Variants in GRIN3B observed in about 807,000 individuals in gnomAD.
GRIN3B encodes the protein glutamate ionotropic receptor NMDA type subunit 3B.
In GRIN3B, 77 loss-of-function variants were observed where a neutral mutation model predicts 66.0. The ratio of observed to expected loss-of-function variants is 1.17; its 90% CI spans 0.97 to 1.41. The LOEUF is 1.41. Among genes scored for constraint, GRIN3B ranks in the 40% most tolerant of loss-of-function variants. The pLI is 0.00. For synonymous variants in GRIN3B, 823 were observed against 749.7 expected, an observed-to-expected ratio of 1.10 and a Z score of -1.60; for missense variants, 1,787 against 1,564.5, an observed-to-expected ratio of 1.14 and a Z score of -2.40.
At position 1,009,192 on chromosome 19, in the gene GRIN3B, C is replaced by T. The variant is rs1385245834; in HGVS notation, c.2722C>T (p.Gln908Ter). The change falls in exon 9 of 9, where the codon CAG becomes TAG. Residue 908 changes from glutamine to a stop codon, truncating the protein, a stop_gained. Transcript: ENST00000234389. LOFTEE classifies it low-confidence loss of function (END_TRUNC). Reference sequence around the variant, plus strand: ...CCCCAGCGGCCCCGAGGTGGAGCAGCAGCAGCAGCAGCAGGACCAGCCAAC... The same window carrying T: ...CCCCAGCGGCCCCGAGGTGGAGCAGTAGCAGCAGCAGCAGGACCAGCCAAC... The part of the protein sequence containing the change: ...AEPSGPEVEQ[Q>*]QQQQDQPTAP... 7.0e-7 allele frequency: 1 copy of T among 1,430,056 alleles called. No individual in the cohort carries two copies. The allele number at this position is 1,430,056 out of a possible 1,614,324, so 88.6% of individuals were successfully genotyped here. A position where few individuals can be genotyped will look rare whatever the true frequency, so the allele number is the denominator to read the frequency against.
chr19:1,009,247 G>T lies in GRIN3B; in HGVS notation c.2777G>T (p.Arg926Leu). Residue 926 changes from arginine (R) to leucine (L), a missense_variant, in exon 9 of 9, where the codon CGG becomes CTG. By Grantham distance (102) the Arg-to-Leu change is moderately radical. Coordinates refer to ENST00000234389, the MANE Select transcript of GRIN3B (RefSeq NM_138690.3). ...CCGGAGGGCTGGAAACGGGCGCGCC[G>T]GGCCGTGGACAAGGAGCGCCGCGTG... The part of the protein sequence containing the change: ...TAPEGWKRAR[R>L]AVDKERRVRF... 1 of 1,439,790 alleles carries T rather than the reference G, an allele frequency of 6.9e-7. No individual in the cohort carries two copies. 89.2% of individuals were successfully genotyped at this position (1,439,790 alleles called of 1,614,324 possible).
In GRIN3B at chr19:1,005,637, C is replaced by A. The variant is rs1219966376; in HGVS notation, c.2052+84C>A. 2 of 1,114,708 alleles carry A rather than the reference C, an allele frequency of 1.8e-6. No individual in the cohort carries two copies. Among genetic ancestry groups the A allele is most frequent in the East Asian group, 5.2e-5 (2 of 38,486 alleles). The allele number at this position is 1,114,708 out of a possible 1,614,324, so 69.1% of individuals were successfully genotyped here. ...GGCTGTGTGGGGCAGGGGTGGTCAGCTGGACGTGGAGGACGTCCACTAGGC... is the reference window on the plus strand; with the variant it reads ...GGCTGTGTGGGGCAGGGGTGGTCAGATGGACGTGGAGGACGTCCACTAGGC... On this transcript the variant is annotated intron_variant, in intron 3 of 8. Transcript: ENST00000234389. The surrounding 1 kb of genome is among the most constrained non-coding windows in gnomAD (Gnocchi z 5.2).
chr19:1,006,529 C>T (rs941440383), intron 3 of GRIN3B, among the ~76,000 whole-genome samples: 3 of 152,088 alleles, frequency 2.0e-5, no homozygotes, highest in African/African-American at 7.2e-5. Context: ...GCAACCTCCA[C>T]CTCCCAGGTT....
intron 1 of GRIN3B, among the ~76,000 whole-genome samples, chr19:1,001,167 C>A (rs943641229): frequency 1.3e-5 from 2 of 152,082 alleles, no homozygotes; most frequent in Non-Finnish European, 2.9e-5. Flanking sequence ...GGGGACCCCG[C>A]CACTGTGGCC....
chr19:1,004,197 G>A (rs989061881), intron 2 of GRIN3B, among the ~76,000 whole-genome samples: 1 of 152,180 alleles, frequency 6.6e-6, no homozygotes, highest in Non-Finnish European at 1.5e-5. Flanking sequence ...TAGGAGGGAG[G>A]GAACGGGTCT....
In GRIN3B at chr19:1,003,582, C is replaced by T. The variant is rs1490918721; in HGVS notation, c.879C>T (p.Ile293=). 4.0e-6 allele frequency: 6 copies of T among 1,486,318 alleles called. No individual in the cohort carries two copies. The highest frequency in any genetic ancestry group is 5.3e-6 in the Non-Finnish European group (6 of 1,123,874). 92.1% of individuals were successfully genotyped at this position (1,486,318 alleles called of 1,614,324 possible). A position where few individuals can be genotyped will look rare whatever the true frequency, so the allele number is the denominator to read the frequency against. The change falls in exon 2 of 9, where the codon ATC becomes ATT. Residue 293 remains isoleucine (I), a synonymous_variant. Coordinates refer to ENST00000234389, the MANE Select transcript of GRIN3B (RefSeq NM_138690.3). ...EVARPPLEAA[I]HDIVQLVARA... ...CACGACCCCCGCTGGAGGCCGCCAT[C>T]CATGACATTGTGCAACTGGTGGCCC...
chr19:1,008,867 G>T lies in GRIN3B; in HGVS notation c.2642G>T (p.Arg881Leu), dbSNP rs774869873. The T allele has an allele frequency of 6.3e-7, 1 of 1,597,446 alleles. No individual in the cohort carries two copies. Among genetic ancestry groups the T allele is most frequent in the Non-Finnish European group, 8.5e-7 (1 of 1,171,780 alleles). ...TGTCTGGGGTCTTAGAAAATCCACC[G>T]CGCCCTCAACACGGAGCCACCAGAG... ...YWLHTSQKIHRALNTEPPEGS... is the reference protein window; with the variant it reads ...YWLHTSQKIHLALNTEPPEGS... Residue 881 changes from arginine (R) to leucine (L), a missense_variant, in exon 8 of 9, where the codon CGC becomes CTC. Transcript: ENST00000234389.
chr19:1,004,920 C>A lies in GRIN3B; in HGVS notation c.1419C>A (p.Arg473=), dbSNP rs1395436782. 2 of 1,611,982 alleles carry A rather than the reference C, an allele frequency of 1.2e-6. No homozygotes were observed. Among genetic ancestry groups the A allele is most frequent in the Admixed American group, 3.3e-5 (2 of 59,974 alleles). Reference sequence around the variant, plus strand: ...ACGGCTCAGCGCCCCGTGCCCTGCGCAAGTGCTGCTACGGCTACTGCATTG... The same window carrying A: ...ACGGCTCAGCGCCCCGTGCCCTGCGAAAGTGCTGCTACGGCTACTGCATTG... ...LANGSAPRAL[R]KCCYGYCIDL... The change falls in exon 3 of 9, where the codon CGC becomes CGA. Residue 473 remains arginine, a synonymous_variant. Coordinates refer to ENST00000234389, the MANE Select transcript of GRIN3B (RefSeq NM_138690.3).
In GRIN3B at chr19:1,008,702, G is replaced by A; in HGVS notation, c.2551G>A (p.Gly851Ser). The change falls in exon 7 of 9, where the codon GGC becomes AGC. Residue 851 changes from glycine (G) to serine (S), a missense_variant. Physicochemically the swap from Gly to Ser is moderately conservative, Grantham distance 56. Coordinates refer to ENST00000234389, the MANE Select transcript of GRIN3B (RefSeq NM_138690.3). Reference protein sequence around the residue: ...GLGSALLSSLGEHAFFRLALP... With the variant: ...GLGSALLSSLSEHAFFRLALP... ...GGGCAGCGCTCTGCTCAGCTCGCTGGGCGAGCACGCCTTCTTCCGCCTGGC... is the reference window on the plus strand; with the variant it reads ...GGGCAGCGCTCTGCTCAGCTCGCTGAGCGAGCACGCCTTCTTCCGCCTGGC... 1 of 1,607,858 alleles carries A rather than the reference G, an allele frequency of 6.2e-7. No homozygotes were observed. The highest frequency in any genetic ancestry group is 8.5e-7 in the Non-Finnish European group (1 of 1,179,592).
rs1329204211 is a variant in GRIN3B, at chr19:1,003,484, G to C, written c.781G>C (p.Gly261Arg). ...ACCTCCCGGCCCCCACTGGCTGTTG[G>C]GGACACCACTGCCGCCCAAGGCCCT... is the stretch of plus-strand genomic sequence containing the variant. ...AVPPGPHWLLGTPLPPKALPT... is the reference protein window; with the variant it reads ...AVPPGPHWLLRTPLPPKALPT... The change falls in exon 2 of 9, where the codon GGG becomes CGG. Residue 261 changes from glycine (G) to arginine (R), a missense_variant. By Grantham distance (125) the Gly-to-Arg change is moderately radical. Transcript: ENST00000234389. The C allele has an allele frequency of 3.9e-6, 6 of 1,537,578 alleles. No homozygotes were observed. The Admixed American group carries it at 1.2e-4, about 30-fold the overall frequency.
intron 1 of GRIN3B, among the ~76,000 whole-genome samples, chr19:1,001,862 C>T (rs1003671293): frequency 6.6e-6 from 1 of 152,168 alleles, no homozygotes; most frequent in East Asian, 1.9e-4. Flanking sequence ...GGAGCTGCAC[C>T]GCCGCAAGCC....
chr19:1,009,210 C>G lies in GRIN3B; in HGVS notation c.2740C>G (p.Gln914Glu). ...EVEQQQQQQD[Q>E]PTAPEGWKRA... ...GGAGCAGCAGCAGCAGCAGCAGGACCAGCCAACGGCTCCGGAGGGCTGGAA... is the reference window on the plus strand; with the variant it reads ...GGAGCAGCAGCAGCAGCAGCAGGACGAGCCAACGGCTCCGGAGGGCTGGAA... Residue 914 changes from glutamine (Q) to glutamate (E), a missense_variant, in exon 9 of 9, where the codon CAG becomes GAG. Transcript: ENST00000234389. The G allele has an allele frequency of 1.4e-6, 2 of 1,474,758 alleles. No homozygotes were observed. Among genetic ancestry groups the G allele is most frequent in the African/African-American group, 1.5e-5 (1 of 68,224 alleles). 91.4% of individuals were successfully genotyped at this position (1,474,758 alleles called of 1,614,324 possible).
chr19:1,007,029 G>A lies in GRIN3B; in HGVS notation c.2053-599G>A, dbSNP rs2038756590. On this transcript the variant is annotated intron_variant, in intron 3 of 8. Coordinates refer to ENST00000234389, the MANE Select transcript of GRIN3B (RefSeq NM_138690.3). The surrounding 1 kb of genome is among the most constrained non-coding windows in gnomAD (Gnocchi z 4.4). Reference sequence around the variant, plus strand: ...GAACAGACCACGGGTGGTGCAGGGAGGACCCCGCAGAGGGGCCTGGGCTGG... The same window carrying A: ...GAACAGACCACGGGTGGTGCAGGGAAGACCCCGCAGAGGGGCCTGGGCTGG... 6.6e-6 allele frequency among the ~76,000 whole-genome samples: 1 copy of A among 152,180 alleles called. No individual in the cohort carries two copies.
rs1169949575 is a variant in GRIN3B at position 1,004,580 on chromosome 19, C to T, written c.1079C>T (p.Ser360Phe). The T allele has an allele frequency of 6.2e-7, 1 of 1,608,648 alleles. No individual in the cohort carries two copies. Residue 360 changes from serine to phenylalanine, a missense_variant, in exon 3 of 9, where the codon TCC (serine) becomes TTC (phenylalanine). Transcript: ENST00000234389. Reference sequence around the variant, plus strand: ...GGCCCCGTGTGGGTGACAGGCAGCTCCCAGGTACACATGTCTCGGCACTTT... The same window carrying T: ...GGCCCCGTGTGGGTGACAGGCAGCTTCCAGGTACACATGTCTCGGCACTTT... ...RTGPVWVTGSSQVHMSRHFKV... is the reference protein window; with the variant it reads ...RTGPVWVTGSFQVHMSRHFKV...
rs781049732 is a variant in GRIN3B at position 1,004,503 on chromosome 19, C to G, written c.1020-18C>G. On this transcript the variant is annotated intron_variant, in intron 2 of 8. Coordinates refer to ENST00000234389, the MANE Select transcript of GRIN3B (RefSeq NM_138690.3). ...GTGTGAACTTCGACACCTGACACCC[C>G]CCCCGCCCTGCCCCTAGGTTCCTGG... 14 of 1,551,862 alleles carry G rather than the reference C, an allele frequency of 9.0e-6. No homozygotes were observed. Among genetic ancestry groups the G allele is most frequent in the African/African-American group, 2.7e-5 (2 of 73,338 alleles).
Position 1,009,217 on chromosome 19 carries a change from C to T in GRIN3B, c.2747C>T (p.Thr916Met). Residue 916 changes from threonine to methionine, a missense_variant, in exon 9 of 9, where the codon ACG becomes ATG. Coordinates refer to ENST00000234389, the MANE Select transcript of GRIN3B (RefSeq NM_138690.3). ...EQQQQQQDQPTAPEGWKRARR... is the reference protein window; with the variant it reads ...EQQQQQQDQPMAPEGWKRARR... Reference sequence around the variant, plus strand: ...CAGCAGCAGCAGCAGGACCAGCCAACGGCTCCGGAGGGCTGGAAACGGGCG... The same window carrying T: ...CAGCAGCAGCAGCAGGACCAGCCAATGGCTCCGGAGGGCTGGAAACGGGCG... The T allele has an allele frequency of 6.8e-7, 1 of 1,472,146 alleles. No homozygotes were observed. Among genetic ancestry groups the T allele is most frequent in the Non-Finnish European group, 8.9e-7 (1 of 1,122,580 alleles). The allele number at this position is 1,472,146 out of a possible 1,614,324, so 91.2% of individuals were successfully genotyped here.
Position 1,008,618 on chromosome 19 carries a change from A to G in GRIN3B, c.2467A>G (p.Thr823Ala). 1 of 1,596,596 alleles carries G rather than the reference A, an allele frequency of 6.3e-7. No homozygotes were observed. The highest frequency in any genetic ancestry group is 8.5e-7 in the Non-Finnish European group (1 of 1,177,442). Residue 823 changes from threonine (T) to alanine (A), a missense_variant and splice_region_variant, in exon 7 of 9, where the codon ACC becomes GCC. Transcript: ENST00000234389. ...CGKRVFAVTE[T>A]LQMSIYHFAG... ...GGGGCTCCTGCTGTGTTGCCCCCAG[A>G]CCCTGCAGATGAGCATCTACCACTT...
Position 1,000,880 on chromosome 19 carries a change from GA to G in GRIN3B, c.426+18del. On this transcript the variant is annotated intron_variant, in intron 1 of 8. Coordinates refer to ENST00000234389, the MANE Select transcript of GRIN3B (RefSeq NM_138690.3). ...GGAGCCCCGGTACGCGGGACGCCCG[GA>G]GTCAGGACGAGGGGGACCCGGGGCG... is the stretch of plus-strand genomic sequence containing the variant. The G allele has an allele frequency of 7.2e-7, 1 of 1,386,106 alleles. No homozygotes were observed. The highest frequency in any genetic ancestry group is 3.4e-5 in the Admixed American group (1 of 29,142). 85.9% of individuals were successfully genotyped at this position (1,386,106 alleles called of 1,614,324 possible).
rs2038680885 is a variant in GRIN3B at position 1,001,146 on chromosome 19, GC to G, written c.426+286del. Among the ~76,000 whole-genome samples, 4 of 152,060 alleles carry G rather than the reference GC, an allele frequency of 2.6e-5. No individual in the cohort carries two copies. In the South Asian group the frequency reaches 8.3e-4, roughly 32 times the overall value. On this transcript the variant is annotated intron_variant, in intron 1 of 8. Coordinates refer to ENST00000234389, the MANE Select transcript of GRIN3B (RefSeq NM_138690.3). ...ACGCCCCTGCAGACCCCTTCCCAGCGCCCTGGTGATGGGGACCCCGCCACTG... is the reference window on the plus strand; with the variant it reads ...ACGCCCCTGCAGACCCCTTCCCAGCGCCTGGTGATGGGGACCCCGCCACTG...
Sources: allele counts gnomAD v4.1 joint callset (sites outside exome capture counted in the v4.1 genomes callset), GRCh38; gene constraint gnomAD v4.1.1; non-coding constraint Gnocchi (gnomAD v3.1); transcripts MANE v1.5; gene names NCBI Gene and HGNC (gene_info 2026-07-23, HGNC 2026-07-21).